ITSN1: variants seen among roughly 807,000 people sequenced by gnomAD.
The protein encoded by ITSN1 is intersectin 1.
ITSN1 carries 58 observed loss-of-function variants against 239.8 expected under a neutral mutation model. That is an observed-to-expected ratio of 0.24 (90% CI 0.20 to 0.30). The LOEUF (loss-of-function observed/expected upper bound fraction) is 0.30. Ranked by LOEUF, ITSN1 falls within the 10% of genes least tolerant of loss-of-function variation. ITSN1 has a pLI of 1.00. For synonymous variants in ITSN1, 780 were observed against 770.8 expected (o/e 1.01, Z -0.20); for missense variants, 1,558 against 2,103.3 (o/e 0.74, Z 5.07).
At chr21:33,711,481 T>A (rs2146960599) in intron 1 of ITSN1, among the ~76,000 whole-genome samples, 1 of 152,286 alleles carries the variant, frequency 6.6e-6, no homozygotes, top group South Asian at 2.1e-4. Flanking sequence ...ACATTTAATG[T>A]AATTATCGGT....
rs1437240267 is a variant in ITSN1 at position 33,889,966 on chromosome 21, T to C, written c.*1666T>C. 6.6e-6 allele frequency: 1 copy of C among 152,248 alleles called. No homozygotes were observed. Among genetic ancestry groups the C allele is most frequent in the Non-Finnish European group, 1.5e-5 (1 of 68,048 alleles). The allele number at this position is 152,248 out of a possible 1,614,324, so 9.4% of individuals were successfully genotyped here. On this transcript the variant is annotated 3_prime_UTR_variant, in exon 40 of 40. Coordinates refer to ENST00000381318, the MANE Select transcript of ITSN1 (RefSeq NM_003024.3). ...TTATTGAAGATAGTGTAGAATTTTG[T>C]ATCAAGAACAACAGACATAAGTATT...
chr21:33,875,623 G>A (rs1175207540), intron 34 of ITSN1, 102 bp downstream of exon 34: 21 of 1,030,278 alleles, frequency 2.0e-5, no homozygotes, highest in East Asian at 2.5e-5. Context: ...CTCCCCAGCC[G>A]ATAGCATCCT....
At chr21:33,859,275 G>A (rs766845583) in intron 31 of ITSN1, among the ~76,000 whole-genome samples, 3 of 152,164 alleles carry the variant, frequency 2.0e-5, no homozygotes, top group Admixed American at 6.5e-5. Flanking sequence ...TAGGCTGGTC[G>A]TATTTTCTTC....
intron 15 of ITSN1, 47 bp from the exon 16 acceptor site, chr21:33,781,947 C>G: frequency 6.6e-7 from 1 of 1,525,386 alleles, no homozygotes; most frequent in Non-Finnish European, 8.9e-7. Flanking sequence ...ATTTTCCTCA[C>G]TGCAAATTAA....
At chr21:33,859,784 C>T (rs1980110902) in intron 31 of ITSN1, among the ~76,000 whole-genome samples, 1 of 152,162 alleles carries the variant, frequency 6.6e-6, no homozygotes, top group Admixed American at 6.5e-5. Flanking sequence ...AAGAAAGATA[C>T]ATAATGTCTG....
At chr21:33,773,677 A>G (rs1382661327) in intron 12 of ITSN1, among the ~76,000 whole-genome samples, 2 of 151,746 alleles carry the variant, frequency 1.3e-5, no homozygotes, top group Non-Finnish European at 2.9e-5. Context: ...ACTTATAGCC[A>G]TAACTCCTTT....
chr21:33,684,049 G>A (rs1343040707), intron 1 of ITSN1, among the ~76,000 whole-genome samples: 2 of 152,210 alleles, frequency 1.3e-5, no homozygotes, highest in Admixed American at 6.5e-5. Flanking sequence ...TGTGAGCCCT[G>A]TGAGTTAGTC....
chr21:33,897,006 A>C lies in ITSN1; in HGVS notation c.*8706A>C, dbSNP rs140208344. 1 of 152,342 alleles carries C rather than the reference A, an allele frequency of 6.6e-6. No homozygotes were observed. The highest frequency in any genetic ancestry group is 2.4e-5 in the African/African-American group (1 of 41,572). The allele number at this position is 152,342 out of a possible 1,614,324, so 9.4% of individuals were successfully genotyped here. A position where few individuals can be genotyped will look rare whatever the true frequency, so the allele number is the denominator to read the frequency against. On this transcript the variant is annotated 3_prime_UTR_variant, in exon 40 of 40. Coordinates refer to ENST00000381318, the MANE Select transcript of ITSN1 (RefSeq NM_003024.3). ...TCTTCCGGACTACGGGAAGTTCTGCAAGTGTTCTCCAGGGGCATTTCATTA... is the reference window on the plus strand; with the variant it reads ...TCTTCCGGACTACGGGAAGTTCTGCCAGTGTTCTCCAGGGGCATTTCATTA...
intron 27 of ITSN1, among the ~76,000 whole-genome samples, chr21:33,830,286 C>T (rs1373724515): frequency 1.3e-5 from 2 of 152,042 alleles, no homozygotes; most frequent in Non-Finnish European, 2.9e-5. Flanking sequence ...ATTACTGTTA[C>T]GCAGTTCTCA....
intron 1 of ITSN1, among the ~76,000 whole-genome samples, chr21:33,647,609 C>CCTTA (rs1568831084): frequency 6.6e-6 from 1 of 152,112 alleles, no homozygotes; most frequent in Admixed American, 6.6e-5. Context: ...GAATCTCTTG[C>CCTTA]CTTAGCCTCC....
At chr21:33,695,208 CTT>C (rs901194011) in intron 1 of ITSN1, among the ~76,000 whole-genome samples, 13 of 152,202 alleles carry the variant, frequency 8.5e-5, no homozygotes, top group African/African-American at 2.9e-4. Flanking sequence ...GAGAGGGTCT[CTT>C]TGCTCTAACA....
intron 31 of ITSN1, among the ~76,000 whole-genome samples, chr21:33,860,491 C>G (rs1980298561): frequency 6.6e-6 from 1 of 152,274 alleles, no homozygotes; most frequent in African/African-American, 2.4e-5. Context: ...CTGGCCTCAG[C>G]TCCCCATACC....
intron 29 of ITSN1, among the ~76,000 whole-genome samples, chr21:33,853,400 G>T (rs1342233735): frequency 6.6e-6 from 1 of 152,196 alleles, no homozygotes; most frequent in Non-Finnish European, 1.5e-5. Flanking sequence ...CCTCCAGCTT[G>T]TCCCCAACTG....
At position 33,794,420 on chromosome 21, in the gene ITSN1, A is replaced by G; in HGVS notation, c.1904A>G (p.Gln635Arg). The G allele has an allele frequency of 6.2e-7, 1 of 1,613,928 alleles. No homozygotes were observed. Among genetic ancestry groups the G allele is most frequent in the Non-Finnish European group, 8.5e-7 (1 of 1,179,918 alleles). ...MEAERLKQKEQERKIIELEKQ... is the reference protein window; with the variant it reads ...MEAERLKQKERERKIIELEKQ... ...GCTGAACGACTGAAACAGAAAGAAC[A>G]AGAACGAAAGATCATAGAATTAGAA... Residue 635 changes from glutamine (Q) to arginine (R), a missense_variant, in exon 17 of 40, where the codon CAA becomes CGA. This residue lies in a region of ITSN1 where 982 missense variants were observed against 1,209.9 expected (regional missense o/e 0.81). Transcript: ENST00000381318.
At chr21:33,688,437 A>C (rs1405156225) in intron 1 of ITSN1, among the ~76,000 whole-genome samples, 1 of 152,224 alleles carries the variant, frequency 6.6e-6, no homozygotes, top group East Asian at 1.9e-4. Flanking sequence ...TGAAGGTGGA[A>C]GGGTGATCAC....
intron 2 of ITSN1, 55 bp downstream of exon 2, chr21:33,718,911 C>G: frequency 7.2e-7 from 1 of 1,385,966 alleles, no homozygotes; most frequent in Non-Finnish European, 1.0e-6. Context: ...ATTTTAAAAA[C>G]TTGATATTAT....
chr21:33,789,612 G>T (rs1053300772), intron 16 of ITSN1, among the ~76,000 whole-genome samples: 4 of 152,104 alleles, frequency 2.6e-5, no homozygotes, highest in Admixed American at 2.6e-4. Flanking sequence ...TATACATTAT[G>T]CAAAGTAATG....
At chr21:33,753,260 A>T (rs2067679967) in intron 7 of ITSN1, among the ~76,000 whole-genome samples, 1 of 152,192 alleles carries the variant, frequency 6.6e-6, no homozygotes, top group South Asian at 2.1e-4. Flanking sequence ...TACCCTTAAG[A>T]TGCCTCAATA....
chr21:33,743,339 G>A (rs1331623581), intron 5 of ITSN1, among the ~76,000 whole-genome samples: 1 of 152,194 alleles, frequency 6.6e-6, no homozygotes, highest in Admixed American at 6.5e-5. Flanking sequence ...GGTGGCACAT[G>A]CCTTTAATCC....
Sources: gnomAD v4.1 joint callset for allele counts (sites outside exome capture counted in the v4.1 genomes callset) on GRCh38, gnomAD v4.1.1 for gene constraint, gnomAD v4.1.1 regional missense constraint, MANE v1.5 for transcripts, NCBI Gene and HGNC (gene_info 2026-07-23, HGNC 2026-07-21) for gene names.